Variants in PCDHA2 observed in about 807,000 individuals in gnomAD.
PCDHA2 encodes the protein protocadherin alpha 2.
PCDHA2 carries 58 observed loss-of-function variants against 66.0 expected under a neutral mutation model. The ratio of observed to expected loss-of-function variants is 0.88; its 90% CI spans 0.71 to 1.09. PCDHA2 has a LOEUF of 1.09. Ranked by LOEUF, PCDHA2 falls within the 50% of genes least tolerant of loss-of-function variation. The probability of loss-of-function intolerance (pLI) is 0.00; values close to 1 mark genes in which losing one functional copy is unlikely to be tolerated. For missense variants in PCDHA2, 1,267 were observed against 1,242.3 expected, an observed-to-expected ratio of 1.02 and a Z score of -0.30; for synonymous variants, 634 against 554.0, an observed-to-expected ratio of 1.14 and a Z score of -2.03.
At chr5:140,806,661 A>T (rs932405546) in intron 1 of PCDHA2, among the ~76,000 whole-genome samples, 9 of 146,984 alleles carry the variant, frequency 6.1e-5, no homozygotes, top group East Asian at 2.0e-4. Flanking sequence ...TATCATTAAT[A>T]AAAAAAAACC....
intron 1 of PCDHA2, among the ~76,000 whole-genome samples, chr5:140,887,239 G>C (rs1248062448): frequency 6.6e-6 from 1 of 151,736 alleles, no homozygotes. Flanking sequence ...TGAGACTACC[G>C]GCGCCCGCCA....
intron 1 of PCDHA2, chr5:140,823,857 T>G (rs2150129771): frequency 6.2e-7 from 1 of 1,613,804 alleles, no homozygotes; most frequent in Admixed American, 1.7e-5. Context: ...CCCTGGTGGA[T>G]GTCAACGTGT....
chr5:140,840,160 G>A (rs1039841732), intron 1 of PCDHA2, among the ~76,000 whole-genome samples: 17 of 152,042 alleles, frequency 1.1e-4, no homozygotes, highest in African/African-American at 3.9e-4. Context: ...AAGGAGAGAT[G>A]GGATGTATAC....
In PCDHA2 at chr5:140,848,922, G is replaced by A. The variant is rs2150424904; in HGVS notation, c.2388+51570G>A. Reference sequence around the variant, plus strand: ...AGCGACACAAAAGAATCTGTTCATCGCGGAATCCAGGCCGCTTGACTCTCG... The same window carrying A: ...AGCGACACAAAAGAATCTGTTCATCACGGAATCCAGGCCGCTTGACTCTCG... On this transcript the variant is annotated intron_variant, in intron 1 of 3. Transcript: ENST00000526136. The A allele has an allele frequency of 1.1e-5, 18 of 1,607,650 alleles. 1 individual carries two copies. The highest frequency in any genetic ancestry group is 2.7e-5 in the African/African-American group (2 of 73,700).
chr5:140,883,746 C>A (rs1554179687), intron 1 of PCDHA2: 1 of 1,613,326 alleles, frequency 6.2e-7, no homozygotes, highest in Non-Finnish European at 8.5e-7. Context: ...GTCTCCTACT[C>A]GCTGGTGGAG....
rs2150185526 is a variant in PCDHA2, at chr5:140,830,370, C to T, written c.2388+33018C>T. ...CAGCAGAGGCGGCAGAGGGTGTGCT[C>T]CGGGGAGGGCCCACCCAAGATGGAT... is the stretch of plus-strand genomic sequence containing the variant. On this transcript the variant is annotated intron_variant, in intron 1 of 3. Coordinates refer to ENST00000526136, the MANE Select transcript of PCDHA2 (RefSeq NM_018905.3). The T allele has an allele frequency of 1.6e-5, 26 of 1,614,014 alleles. No homozygotes were observed. In the East Asian group the frequency reaches 3.6e-4, roughly 22 times the overall value.
Position 140,848,347 on chromosome 5 carries a change from C to T in PCDHA2, c.2388+50995C>T. On this transcript the variant is annotated intron_variant, in intron 1 of 3. Coordinates refer to ENST00000526136, the MANE Select transcript of PCDHA2 (RefSeq NM_018905.3). ...CTCTCTGAATCCAGACAAATACAGC[C>T]CTTTTCCCATGGGAAAGAGGCTCAA... The T allele has an allele frequency of 5.3e-6, 5 of 935,472 alleles. 1 individual carries two copies. The highest frequency in any genetic ancestry group is 8.2e-6 in the Non-Finnish European group (5 of 611,314). 57.9% of individuals were successfully genotyped at this position (935,472 alleles called of 1,614,324 possible). A position where few individuals can be genotyped will look rare whatever the true frequency, so the allele number is the denominator to read the frequency against.
intron 3 of PCDHA2, among the ~76,000 whole-genome samples, chr5:140,985,651 T>A (rs1413086230): frequency 6.6e-6 from 1 of 151,992 alleles, no homozygotes; most frequent in Non-Finnish European, 1.5e-5. Context: ...ACACTTGCAA[T>A]GGCTGAATAA....
chr5:140,924,057 T>C (rs1337031156), intron 1 of PCDHA2, among the ~76,000 whole-genome samples: 2 of 152,258 alleles, frequency 1.3e-5, no homozygotes, highest in Non-Finnish European at 2.9e-5. Context: ...GGTACATCTT[T>C]ACAGTTGTAT....
At chr5:140,968,017 C>A in intron 1 of PCDHA2, 1 of 1,614,216 alleles carries the variant, frequency 6.2e-7, no homozygotes, top group South Asian at 1.1e-5. Flanking sequence ...GCTTTGGAAA[C>A]TCCTATACAC....
rs2150119799 is a variant in PCDHA2 at position 140,822,853 on chromosome 5, G to A, written c.2388+25501G>A. Reference sequence around the variant, plus strand: ...AACCACCCTTTTCCTGCCTGTCAAAGAGGACGCTCCACTCAGCACGGTCAT... The same window carrying A: ...AACCACCCTTTTCCTGCCTGTCAAAAAGGACGCTCCACTCAGCACGGTCAT... On this transcript the variant is annotated intron_variant, in intron 1 of 3. Transcript: ENST00000526136. 68 of 1,614,082 alleles carry A rather than the reference G, an allele frequency of 4.2e-5. No individual in the cohort carries two copies. Among genetic ancestry groups the A allele is most frequent in the East Asian group, 1.6e-4 (7 of 44,900 alleles).
At chr5:140,812,697 G>T (rs1368879557) in intron 1 of PCDHA2, 2 of 152,218 alleles carry the variant, frequency 1.3e-5, no homozygotes, top group African/African-American at 4.8e-5. Flanking sequence ...CCCTGCAAGT[G>T]ATCCTTGTGC....
Position 140,795,709 on chromosome 5 carries a change from G to A in PCDHA2, c.745G>A (p.Val249Ile), listed in dbSNP as rs781955291. Reference protein sequence around the residue: ...EPTFAQSVYKVKLLENTANGT... With the variant: ...EPTFAQSVYKIKLLENTANGT... ...AACTTTTGCCCAATCAGTTTACAAA[G>A]TAAAATTGTTAGAGAATACGGCAAA... The change falls in exon 1 of 4, where the codon GTA (valine) becomes ATA (isoleucine). Residue 249 changes from valine (V) to isoleucine (I), a missense_variant. Val to Ile is a conservative substitution (Grantham distance 29, BLOSUM62 3). Transcript: ENST00000526136. 1.2e-6 allele frequency: 2 copies of A among 1,613,974 alleles called. No homozygotes were observed. The highest frequency in any genetic ancestry group is 8.5e-7 in the Non-Finnish European group (1 of 1,180,006).
intron 1 of PCDHA2, among the ~76,000 whole-genome samples, chr5:140,913,266 T>C (rs1458769816): frequency 1.3e-5 from 2 of 152,176 alleles, no homozygotes; most frequent in Non-Finnish European, 2.9e-5. Flanking sequence ...TCTAATTACT[T>C]GTTATTGGTC....
chr5:140,933,937 T>A (rs1369497002), intron 1 of PCDHA2, among the ~76,000 whole-genome samples: 1 of 152,082 alleles, frequency 6.6e-6, no homozygotes. Context: ...GTGACTTTTT[T>A]TCACATCTGC....
intron 1 of PCDHA2, among the ~76,000 whole-genome samples, chr5:140,817,833 T>G (rs1554127315): frequency 1.3e-5 from 2 of 152,214 alleles, no homozygotes; most frequent in Non-Finnish European, 2.9e-5. Flanking sequence ...ATGTCTTAAT[T>G]TTACTATCAC....
intron 1 of PCDHA2, chr5:140,825,977 A>G (rs1185654246): frequency 6.6e-6 from 1 of 152,320 alleles, no homozygotes; most frequent in Non-Finnish European, 1.5e-5. Context: ...GGGGAAAAGT[A>G]TGGATTTATA....
At chr5:140,979,710 A>G (rs1178718053) in intron 2 of PCDHA2, among the ~76,000 whole-genome samples, 1 of 152,268 alleles carries the variant, frequency 6.6e-6, no homozygotes, top group Non-Finnish European at 1.5e-5. Flanking sequence ...GAGGTGATCC[A>G]GTATCCATGC....
intron 1 of PCDHA2, chr5:140,871,599 T>G: frequency 1.4e-6 from 2 of 1,447,906 alleles, no homozygotes; most frequent in Non-Finnish European, 1.8e-6. Flanking sequence ...GAATAACCAG[T>G]GTTTTGAATA....
Sources: gnomAD v4.1 joint callset for allele counts (sites outside exome capture counted in the v4.1 genomes callset) on GRCh38, gnomAD v4.1.1 for gene constraint, MANE v1.5 for transcripts, NCBI Gene and HGNC (gene_info 2026-07-23, HGNC 2026-07-21) for gene names.